The following PGM1 variants were observed in gnomAD, a reference collection of about 807,000 sequenced individuals.
PGM1 encodes the protein phosphoglucomutase-1.
In PGM1, 52 loss-of-function variants were observed where a neutral mutation model predicts 55.6. The ratio of observed to expected loss-of-function variants is 0.94; its 90% CI spans 0.75 to 1.18. The LOEUF (loss-of-function observed/expected upper bound fraction) is 1.18, where lower values mean the gene tolerates loss of function less well. Ranked by LOEUF, PGM1 falls within the 50% of genes most tolerant of loss-of-function variation. The pLI, the probability that PGM1 is intolerant of heterozygous loss-of-function variation, is 0.00. For synonymous variants in PGM1, 287 were observed against 271.7 expected, an observed-to-expected ratio of 1.06 and a Z score of -0.55; for missense variants, 724 against 729.3, an observed-to-expected ratio of 0.99 and a Z score of 0.08.
At chr1:63,604,338 G>A (rs1215103791) in intron 1 of PGM1, among the ~76,000 whole-genome samples, 1 of 152,192 alleles carries the variant, frequency 6.6e-6, no homozygotes, top group African/African-American at 2.4e-5. Flanking sequence ...GATCCATGAT[G>A]TTGGGACCCA....
intron 1 of PGM1, among the ~76,000 whole-genome samples, chr1:63,622,603 G>A (rs1005722023): frequency 6.6e-6 from 1 of 152,094 alleles, no homozygotes; most frequent in South Asian, 2.1e-4. Flanking sequence ...TTTTTTCCGT[G>A]TTTTGCTTAC....
chr1:63,659,049 A>G (rs1325938317), intron 10 of PGM1, among the ~76,000 whole-genome samples: 1 of 152,190 alleles, frequency 6.6e-6, no homozygotes, highest in Non-Finnish European at 1.5e-5. Flanking sequence ...CCCATGATTC[A>G]ATCATCTCCC....
intron 1 of PGM1, among the ~76,000 whole-genome samples, chr1:63,627,489 A>G (rs1649057438): frequency 6.6e-6 from 1 of 151,994 alleles, no homozygotes; most frequent in African/African-American, 2.4e-5. Context: ...TCAGATCGAG[A>G]GCAATATTCC....
chr1:63,659,779 A>G lies in PGM1; in HGVS notation c.*104A>G. The stretch of plus-strand genomic sequence containing the variant: ...AAATGTATTCACCAAGCATTTTAGG[A>G]TTTGACTTTTTCACTAACCAGTTGA... On this transcript the variant is annotated 3_prime_UTR_variant, in exon 11 of 11. Transcript: ENST00000371084. 1 of 887,782 alleles carries G rather than the reference A, an allele frequency of 1.1e-6. No individual in the cohort carries two copies. Among genetic ancestry groups the G allele is most frequent in the Middle Eastern group, 2.1e-4 (1 of 4,718 alleles). 55.0% of individuals were successfully genotyped at this position (887,782 alleles called of 1,614,324 possible).
Position 63,607,696 on chromosome 1 carries a change from A to G in PGM1, c.246+13962A>G, listed in dbSNP as rs545281361. Among the ~76,000 whole-genome samples, 4 of 152,266 alleles carry G rather than the reference A, an allele frequency of 2.6e-5. No individual in the cohort carries two copies. In the South Asian group the frequency reaches 8.3e-4, roughly 32 times the overall value. ...TTTTTATAAACATATTTGAACTTATATATCCAAATTAGTATCGTACCCTGC... is the reference window on the plus strand; with the variant it reads ...TTTTTATAAACATATTTGAACTTATGTATCCAAATTAGTATCGTACCCTGC... On this transcript the variant is annotated intron_variant, in intron 1 of 10. Coordinates refer to ENST00000371084, the MANE Select transcript of PGM1 (RefSeq NM_002633.3).
intron 1 of PGM1, among the ~76,000 whole-genome samples, chr1:63,613,259 CTTT>C (rs11377805): frequency 9.3e-6 from 1 of 107,862 alleles, no homozygotes; most frequent in African/African-American, 4.0e-5. Flanking sequence ...GTTGGCTTAT[CTTT>C]TTTTTTTTTT....
chr1:63,631,839 CTGTGTGTATCATGA>C, intron 4 of PGM1, 57 bp downstream of exon 4: 2 of 1,534,550 alleles, frequency 1.3e-6, no homozygotes, highest in Non-Finnish European at 1.8e-6. Flanking sequence ...TTGCCCTCTT[CTGTGTGTATCATGA>C]TGCTTCAACA....
intron 1 of PGM1, among the ~76,000 whole-genome samples, chr1:63,628,704 C>T (rs1002545434): frequency 1.3e-5 from 2 of 152,066 alleles, no homozygotes; most frequent in Non-Finnish European, 2.9e-5. Context: ...GTACTGATAC[C>T]ATCTGTAAGA....
chr1:63,593,556 G>A lies in PGM1; in HGVS notation c.68G>A (p.Arg23Gln). The change falls in exon 1 of 11, where the codon CGG becomes CAG. Residue 23 changes from arginine (R) to glutamine (Q), a missense_variant. Physicochemically the swap from Arg to Gln is conservative, Grantham distance 43 (BLOSUM62 1). Transcript: ENST00000371084. ...CAGAAGCCGGGCACGAGCGGGCTGC[G>A]GAAGCGGGTGAAGGTGTTCCAGAGC... ...QDQKPGTSGL[R>Q]KRVKVFQSSA... The A allele has an allele frequency of 1.2e-6, 2 of 1,613,898 alleles. No homozygotes were observed. The highest frequency in any genetic ancestry group is 1.7e-6 in the Non-Finnish European group (2 of 1,179,934).
chr1:63,636,629 C>G (rs1649371376), intron 6 of PGM1, among the ~76,000 whole-genome samples: 1 of 152,178 alleles, frequency 6.6e-6, no homozygotes, highest in South Asian at 2.1e-4. Context: ...GTTCTAGTAG[C>G]TGTTTTCTTG....
intron 8 of PGM1, among the ~76,000 whole-genome samples, chr1:63,650,816 G>A (rs545659538): frequency 2.0e-5 from 3 of 151,944 alleles, no homozygotes; most frequent in East Asian, 1.9e-4. Context: ...TTTTTCATCC[G>A]CACTGGGCCT....
chr1:63,614,746 CAT>C (rs1489372572), intron 1 of PGM1, among the ~76,000 whole-genome samples: 1 of 152,182 alleles, frequency 6.6e-6, no homozygotes, highest in Non-Finnish European at 1.5e-5. Flanking sequence ...GGACAGATGA[CAT>C]AATCTCTGTA....
chr1:63,655,405 G>A (rs1281457458), intron 10 of PGM1, among the ~76,000 whole-genome samples: 3 of 152,104 alleles, frequency 2.0e-5, no homozygotes, highest in African/African-American at 7.2e-5. Context: ...GATTTGGTGG[G>A]GGCAGGGAGA....
chr1:63,596,365 G>T (rs1648072571), intron 1 of PGM1, among the ~76,000 whole-genome samples: 1 of 144,242 alleles, frequency 6.9e-6, no homozygotes, highest in Non-Finnish European at 1.5e-5. Flanking sequence ...CAAGCAATTC[G>T]CCTGCCTTAG....
intron 1 of PGM1, among the ~76,000 whole-genome samples, chr1:63,603,231 C>G (rs969910696): frequency 6.6e-6 from 1 of 152,234 alleles, no homozygotes; most frequent in African/African-American, 2.4e-5. Context: ...TCCCAGGTCA[C>G]AAAGTCAGGA....
intron 1 of PGM1, among the ~76,000 whole-genome samples, chr1:63,614,444 C>G (rs1441940106): frequency 6.6e-6 from 1 of 152,188 alleles, no homozygotes; most frequent in Admixed American, 6.5e-5. Flanking sequence ...GCTGCTGCCC[C>G]CATGAGCCAC....
intron 1 of PGM1, among the ~76,000 whole-genome samples, chr1:63,598,554 C>T (rs1648146606): frequency 6.6e-6 from 1 of 151,938 alleles, no homozygotes; most frequent in African/African-American, 2.4e-5. Context: ...TGATAAATTC[C>T]TAGGTAGTAG....
At chr1:63,651,307 T>G in intron 8 of PGM1, 4 of 257,188 alleles carry the variant, frequency 1.6e-5, no homozygotes, top group Non-Finnish European at 3.1e-5. Flanking sequence ...TTCAAGAGAG[T>G]TCTCCAGAGA....
chr1:63,606,948 A>G (rs1648436303), intron 1 of PGM1, among the ~76,000 whole-genome samples: 1 of 152,222 alleles, frequency 6.6e-6, no homozygotes, highest in Admixed American at 6.5e-5. Flanking sequence ...CCATTGTACG[A>G]GTCTTAAACT....
Sources: gnomAD v4.1 joint callset for allele counts (sites outside exome capture counted in the v4.1 genomes callset) on GRCh38, gnomAD v4.1.1 for gene constraint, MANE v1.5 for transcripts, NCBI Gene and HGNC (gene_info 2026-07-23, HGNC 2026-07-21) for gene names.